The following PDCD1LG2 variants were observed in gnomAD, a reference collection of about 807,000 sequenced individuals.
The protein encoded by PDCD1LG2 is B7 dendritic cell molecule.
PDCD1LG2 carries 32 observed loss-of-function variants against 28.2 expected under a neutral mutation model. The ratio of observed to expected loss-of-function variants is 1.13; its 90% confidence interval spans 0.86 to 1.52. The LOEUF (loss-of-function observed/expected upper bound fraction) is 1.52, where lower values mean the gene tolerates loss of function less well. Among genes scored for constraint, PDCD1LG2 ranks in the 40% most tolerant of loss-of-function variants. The pLI, the probability that PDCD1LG2 is intolerant of heterozygous loss-of-function variation, is 0.00. For missense variants in PDCD1LG2, 385 were observed against 323.8 expected, an observed-to-expected ratio of 1.19 and a Z score of -1.45; for synonymous variants, 116 against 120.2, an observed-to-expected ratio of 0.97 and a Z score of 0.23.
chr9:5,568,006 G>A (rs780170132), intron 6 of PDCD1LG2, among the ~76,000 whole-genome samples: 4 of 152,268 alleles, frequency 2.6e-5, no homozygotes, highest in African/African-American at 4.8e-5. Context: ...TGACCACAGC[G>A]TCAGCATTCC....
At chr9:5,537,485 T>C (rs756237220) in intron 3 of PDCD1LG2, among the ~76,000 whole-genome samples, 17 of 152,168 alleles carry the variant, frequency 1.1e-4, no homozygotes, top group Non-Finnish European at 1.6e-4. Flanking sequence ...GAAATAAATG[T>C]CCAACAACGA....
chr9:5,533,111 G>C (rs964299972), intron 2 of PDCD1LG2, among the ~76,000 whole-genome samples: 18 of 152,190 alleles, frequency 1.2e-4, no homozygotes, highest in African/African-American at 4.3e-4. Context: ...CCAAATATTT[G>C]TTGAATGAAT....
At chr9:5,538,340 A>G (rs1296321270) in intron 3 of PDCD1LG2, among the ~76,000 whole-genome samples, 1 of 152,024 alleles carries the variant, frequency 6.6e-6, no homozygotes, top group Non-Finnish European at 1.5e-5. Context: ...TTAGATGCAT[A>G]TATTTTTTTT....
rs1820622468 is a variant in PDCD1LG2 at position 5,538,360 on chromosome 9, A to T, written c.361+3310A>T. Among the ~76,000 whole-genome samples, 2 of 152,054 alleles carry T rather than the reference A, an allele frequency of 1.3e-5. 1 individual carries two copies. Among genetic ancestry groups the T allele is most frequent in the South Asian group, 4.1e-4 (2 of 4,830 alleles). The stretch of plus-strand genomic sequence containing the variant: ...TGCATATATTTTTTTTCTTGTGGAA[A>T]CTATATTGTACTATATATATATATT... On this transcript the variant is annotated intron_variant, in intron 3 of 6. Transcript: ENST00000397747.
intron 2 of PDCD1LG2, among the ~76,000 whole-genome samples, 177 bp downstream of exon 2, chr9:5,522,778 C>A (rs1449676644): frequency 2.6e-5 from 4 of 151,980 alleles, no homozygotes; most frequent in African/African-American, 9.7e-5. Flanking sequence ...CTTATACATG[C>A]CAATGTCCCT....
chr9:5,523,662 C>A (rs1820318897), intron 2 of PDCD1LG2, among the ~76,000 whole-genome samples: 1 of 152,200 alleles, frequency 6.6e-6, no homozygotes, highest in Admixed American at 6.5e-5. Context: ...AGGAACCCTG[C>A]CTGGCTGGCA....
chr9:5,534,626 C>T, intron 2 of PDCD1LG2, 119 bp from the exon 3 acceptor site: 1 of 833,752 alleles, frequency 1.2e-6, no homozygotes, highest in Non-Finnish European at 1.8e-6. Context: ...ACGGGAATGT[C>T]CAGATAAGAC....
chr9:5,546,706 T>A (rs898021291), intron 3 of PDCD1LG2, among the ~76,000 whole-genome samples: 9 of 152,164 alleles, frequency 5.9e-5, no homozygotes, highest in African/African-American at 1.4e-4. Context: ...TGATTCCAAT[T>A]AAGAATGCAT....
At position 5,569,563 on chromosome 9, in the gene PDCD1LG2, T is replaced by C. The variant is rs1163640028; in HGVS notation, c.817-391T>C. 1.3e-5 allele frequency among the ~76,000 whole-genome samples: 2 copies of C among 152,180 alleles called. No individual in the cohort carries two copies. The highest frequency in any genetic ancestry group is 2.9e-5 in the Non-Finnish European group (2 of 68,022). On this transcript the variant is annotated intron_variant, in intron 6 of 6. Coordinates refer to ENST00000397747, the MANE Select transcript of PDCD1LG2 (RefSeq NM_025239.4). The surrounding 1 kb of genome is among the most constrained non-coding windows in gnomAD (Gnocchi z 4.1). ...AGGAGCCCAGTGATGCAGTCTGCAA[T>C]GTCATCATCCTGGAGCATGAATAGA...
intron 2 of PDCD1LG2, among the ~76,000 whole-genome samples, chr9:5,525,525 A>T (rs903996913): frequency 4.0e-5 from 6 of 151,550 alleles, no homozygotes; most frequent in African/African-American, 7.3e-5. Flanking sequence ...TATATAATAG[A>T]TAGCATGTGA....
intron 6 of PDCD1LG2, among the ~76,000 whole-genome samples, chr9:5,563,479 C>T (rs144388846): frequency 1.9e-4 from 29 of 152,224 alleles, no homozygotes; most frequent in Middle Eastern, 3.4e-3. Flanking sequence ...GAGTTAAAAT[C>T]GAACAGCAAA....
intron 1 of PDCD1LG2, among the ~76,000 whole-genome samples, chr9:5,518,397 C>G (rs1429104026): frequency 6.6e-6 from 1 of 152,232 alleles, no homozygotes; most frequent in Non-Finnish European, 1.5e-5. Context: ...AAGTTAAAGC[C>G]AGTGGCAGGT....
chr9:5,521,799 T>C (rs537435917), intron 1 of PDCD1LG2, among the ~76,000 whole-genome samples: 2 of 152,300 alleles, frequency 1.3e-5, no homozygotes, highest in South Asian at 4.1e-4. Flanking sequence ...TTGGAAAGCC[T>C]CCTCAGTTTC....
intron 1 of PDCD1LG2, among the ~76,000 whole-genome samples, chr9:5,513,401 A>G (rs1820098130): frequency 1.3e-5 from 2 of 152,208 alleles, no homozygotes; most frequent in Admixed American, 1.3e-4. Context: ...GGGCTTTTGC[A>G]ATTTTATCAC....
intron 6 of PDCD1LG2, among the ~76,000 whole-genome samples, chr9:5,563,722 C>A (rs941359768): frequency 3.9e-5 from 6 of 152,136 alleles, no homozygotes; most frequent in African/African-American, 1.4e-4. Flanking sequence ...AAAGCTTAGA[C>A]TCAGGGGAAG....
rs758190657 is a variant in PDCD1LG2 at position 5,563,224 on chromosome 9, G to C, written c.816+13G>C. ...AGTGAACAGTGCTGTGAGTAAGCAT[G>C]ATTTTTACTTTTCTTTCTTACTTTC... On this transcript the variant is annotated intron_variant, in intron 6 of 6. Coordinates refer to ENST00000397747, the MANE Select transcript of PDCD1LG2 (RefSeq NM_025239.4). 1.2e-6 allele frequency: 2 copies of C among 1,603,062 alleles called. No homozygotes were observed. Among genetic ancestry groups the C allele is most frequent in the Non-Finnish European group, 1.7e-6 (2 of 1,171,704 alleles).
chr9:5,538,241 T>C (rs1820619457), intron 3 of PDCD1LG2, among the ~76,000 whole-genome samples: 2 of 152,170 alleles, frequency 1.3e-5, no homozygotes, highest in South Asian at 4.1e-4. Flanking sequence ...CCAGTCTCAT[T>C]CCCCTTTTTT....
At chr9:5,568,474 C>A (rs905872858) in intron 6 of PDCD1LG2, among the ~76,000 whole-genome samples, 1 of 152,156 alleles carries the variant, frequency 6.6e-6, no homozygotes, top group Non-Finnish European at 1.5e-5. Flanking sequence ...GGAACAGGTT[C>A]ATCCTGAAAC....
rs185120752 is a variant in PDCD1LG2, at chr9:5,525,363, A to G, written c.55+2762A>G. ...CCATTTAAAAAAAAAAAAAAAGAAA[A>G]AAAAACACTTATGGCGGTATTCTCA... On this transcript the variant is annotated intron_variant, in intron 2 of 6. Coordinates refer to ENST00000397747, the MANE Select transcript of PDCD1LG2 (RefSeq NM_025239.4). Among the ~76,000 whole-genome samples, 400 of 151,838 alleles carry G rather than the reference A, an allele frequency of 2.6e-3. 2 individuals are homozygous for G. Among genetic ancestry groups the G allele is most frequent in the African/African-American group, 9.2e-3 (381 of 41,476 alleles).
Sources: gnomAD v4.1 joint callset for allele counts (sites outside exome capture counted in the v4.1 genomes callset) on GRCh38, gnomAD v4.1.1 for gene constraint, Gnocchi (gnomAD v3.1) non-coding constraint, MANE v1.5 for transcripts, NCBI Gene and HGNC (gene_info 2026-07-23, HGNC 2026-07-21) for gene names.